EIF4A3: variants seen among roughly 807,000 people sequenced by gnomAD.
The protein encoded by EIF4A3 is eukaryotic translation initiation factor 4A3.
Under a neutral mutation model 55.6 loss-of-function variants are expected in EIF4A3, and 1 was observed. The ratio of observed to expected loss-of-function variants is 0.02; its 90% CI spans 0.01 to 0.09. The LOEUF (loss-of-function observed/expected upper bound fraction) is 0.09. Ranked by LOEUF, EIF4A3 falls within the 10% of genes least tolerant of loss-of-function variation. EIF4A3 has a pLI of 1.00. For synonymous variants in EIF4A3, 194 were observed against 196.3 expected, an observed-to-expected ratio of 0.99 and a Z score of 0.10; for missense variants, 221 against 540.7, an observed-to-expected ratio of 0.41 and a Z score of 5.86.
intron 9 of EIF4A3, chr17:80,136,566 T>TA (rs1452000698): frequency 1.5e-5 from 8 of 535,294 alleles, no homozygotes; most frequent in Admixed American, 3.5e-5. Context: ...TCCATCAGAT[T>TA]AAAAAAATAG....
At chr17:80,143,669 C>T (rs1451695170) in intron 2 of EIF4A3, among the ~76,000 whole-genome samples, 1 of 152,110 alleles carries the variant, frequency 6.6e-6, no homozygotes, top group African/African-American at 2.4e-5. Context: ...AACCACTAAG[C>T]AAAGCTGGCT....
intron 1 of EIF4A3, among the ~76,000 whole-genome samples, chr17:80,144,738 A>C (rs2039645877): frequency 6.6e-6 from 1 of 152,104 alleles, no homozygotes; most frequent in Non-Finnish European, 1.5e-5. Context: ...AGCTAGCATT[A>C]AGTCTGTGTG....
chr17:80,144,472 A>T (rs929997125), intron 1 of EIF4A3, among the ~76,000 whole-genome samples: 2 of 151,966 alleles, frequency 1.3e-5, no homozygotes. Context: ...ATTTTTAAAA[A>T]ACCACCAAAT....
rs374159853 is a variant in EIF4A3 at position 80,137,374 on chromosome 17, T to G, written c.983+12A>C. On this transcript the variant is annotated intron_variant, in intron 9 of 11. Transcript: ENST00000649764. ...AACCCTGACCTGCAGAGCCACAGCA[T>G]AGCAGACCCACCTGGCGCCCGACCG... The G allele has an allele frequency of 1.1e-5, 17 of 1,611,646 alleles. No individual in the cohort carries two copies. The African/African-American group carries it at 2.1e-4, about 20-fold the overall frequency.
chr17:80,146,769 C>G, intron 1 of EIF4A3, 24 bp downstream of exon 1: 1 of 1,598,472 alleles, frequency 6.3e-7, no homozygotes, highest in Non-Finnish European at 8.5e-7. Flanking sequence ...CCCCGGCTGG[C>G]CCCCGCGGCC....
intron 1 of EIF4A3, among the ~76,000 whole-genome samples, chr17:80,146,134 T>C (rs528970857): frequency 1.3e-5 from 2 of 152,168 alleles, no homozygotes; most frequent in Admixed American, 1.3e-4. Context: ...CGACTAGCTC[T>C]CCAAAATCCC....
chr17:80,137,556 T>C (rs2039582599), intron 8 of EIF4A3, 55 bp from the exon 9 acceptor site: 1 of 1,411,750 alleles, frequency 7.1e-7, no homozygotes, highest in South Asian at 1.2e-5. Context: ...AGCAGAGATG[T>C]GCATTCGGGA....
intron 4 of EIF4A3, 183 bp from the exon 5 acceptor site, chr17:80,140,323 T>C (rs1265775932): frequency 1.2e-6 from 1 of 845,390 alleles, no homozygotes; most frequent in Non-Finnish European, 1.6e-6. Flanking sequence ...CTTTTTTTTT[T>C]TTTTTTTTGA....
chr17:80,138,315 T>A (rs1567848752), intron 7 of EIF4A3, 35 bp from the exon 8 acceptor site: 1 of 1,610,006 alleles, frequency 6.2e-7, no homozygotes, highest in East Asian at 2.2e-5. Context: ...TACATACTCA[T>A]CCTTCCTTCT....
At chr17:80,141,937 G>A (rs766763162) in intron 2 of EIF4A3, 89 bp from the exon 3 acceptor site, 6 of 1,055,044 alleles carry the variant, frequency 5.7e-6, no homozygotes, top group Non-Finnish European at 7.2e-6. Flanking sequence ...GAGGCACTTA[G>A]GTACCTTCTT....
At chr17:80,135,824 G>C (rs1020341164) in intron 11 of EIF4A3, 180 bp downstream of exon 11, 1 of 723,326 alleles carries the variant, frequency 1.4e-6, no homozygotes, top group Non-Finnish European at 2.2e-6. Context: ...GAACCCAGGA[G>C]GCAGAGGTTG....
At chr17:80,145,285 C>G (rs187652502) in intron 1 of EIF4A3, among the ~76,000 whole-genome samples, 73 of 152,314 alleles carry the variant, frequency 4.8e-4, no homozygotes, top group Non-Finnish European at 9.4e-4. Context: ...CAGGATACGG[C>G]CAGGTGGGGT....
chr17:80,144,343 C>T, intron 1 of EIF4A3, 99 bp from the exon 2 acceptor site: 2 of 1,097,288 alleles, frequency 1.8e-6, no homozygotes, highest in East Asian at 2.5e-5. Flanking sequence ...TTTTTTGAAC[C>T]TGTCCTCCAG....
chr17:80,146,578 G>A (rs1239717449), intron 1 of EIF4A3, among the ~76,000 whole-genome samples: 2 of 151,234 alleles, frequency 1.3e-5, no homozygotes, highest in Admixed American at 6.6e-5. Context: ...GCCGAGCTCT[G>A]CACGGGGGAC....
At chr17:80,139,224 G>A (rs1158202461) in intron 6 of EIF4A3, 62 bp from the exon 7 acceptor site, 3 of 1,594,414 alleles carry the variant, frequency 1.9e-6, no homozygotes, top group Admixed American at 3.5e-5. Context: ...AATGGAAGGT[G>A]CACGCCCAGT....
At position 80,135,387 on chromosome 17, in the gene EIF4A3, G is replaced by C; in HGVS notation, c.*103C>G. 2.2e-6 allele frequency: 3 copies of C among 1,369,686 alleles called. No individual in the cohort carries two copies. The highest frequency in any genetic ancestry group is 3.0e-5 in the South Asian group (2 of 67,262). 84.8% of individuals were successfully genotyped at this position (1,369,686 alleles called of 1,614,324 possible). A position where few individuals can be genotyped will look rare whatever the true frequency, so the allele number is the denominator to read the frequency against. Reference sequence around the variant, plus strand: ...GGAGACGGCAGGCCATTTATGAGAAGAAAGTCCATATAAACCCCATTAAGT... The same window carrying C: ...GGAGACGGCAGGCCATTTATGAGAACAAAGTCCATATAAACCCCATTAAGT... On this transcript the variant is annotated 3_prime_UTR_variant, in exon 12 of 12. Coordinates refer to ENST00000649764, the MANE Select transcript of EIF4A3 (RefSeq NM_014740.4).
rs1051339712 is a variant in EIF4A3, at chr17:80,146,713, G to T, written c.169+80C>A. 2.7e-6 allele frequency: 4 copies of T among 1,500,936 alleles called. No individual in the cohort carries two copies. The African/African-American group carries it at 4.3e-5, about 16-fold the overall frequency. The allele number at this position is 1,500,936 out of a possible 1,614,324, so 93.0% of individuals were successfully genotyped here. ...ACCTCCGGAGCGCAGGGCCGGCCCG[G>T]GAGTCACCAGTCTGGCCCTCAGCCC... On this transcript the variant is annotated intron_variant, in intron 1 of 11. Transcript: ENST00000649764.
In EIF4A3 at chr17:80,139,637, T is replaced by G. The variant is rs182077413; in HGVS notation, c.586+33A>C. ...GAAAATTTAAGAACTAAGAATTATG[T>G]CAGTAGAAGAGTAATTCTTTTGTTG... On this transcript the variant is annotated intron_variant, in intron 6 of 11. Coordinates refer to ENST00000649764, the MANE Select transcript of EIF4A3 (RefSeq NM_014740.4). The G allele has an allele frequency of 1.2e-4, 184 of 1,559,864 alleles. 1 individual carries two copies. In the African/African-American group the frequency reaches 2.3e-3, roughly 20 times the overall value.
intron 11 of EIF4A3, 80 bp downstream of exon 11, chr17:80,135,924 A>G (rs1294141106): frequency 6.5e-7 from 1 of 1,546,780 alleles, no homozygotes; most frequent in Non-Finnish European, 8.7e-7. Context: ...CCACAACAAC[A>G]AAAAAACAAA....
Sources: allele counts gnomAD v4.1 joint callset (sites outside exome capture counted in the v4.1 genomes callset), GRCh38; gene constraint gnomAD v4.1.1; transcripts MANE v1.5; gene names NCBI Gene and HGNC (gene_info 2026-07-23, HGNC 2026-07-21).